Variants in CCDC181 observed in about 807,000 individuals in gnomAD.
CCDC181 encodes the protein coiled-coil domain containing 181.
In CCDC181, 35 loss-of-function variants were observed where a neutral mutation model predicts 58.7. That is an observed-to-expected ratio of 0.60 (90% CI 0.46 to 0.79). The LOEUF is 0.79. Among genes scored for constraint, CCDC181 ranks in the 30% least tolerant of loss-of-function variants. The pLI is 0.00. For missense variants in CCDC181, 517 were observed against 583.9 expected, an observed-to-expected ratio of 0.89 and a Z score of 1.18; for synonymous variants, 183 against 197.5, an observed-to-expected ratio of 0.93 and a Z score of 0.62.
At chr1:169,422,363 T>C (rs1359021535) in intron 2 of CCDC181, 50 bp from the exon 3 acceptor site, 2 of 1,324,538 alleles carry the variant, frequency 1.5e-6, no homozygotes, top group South Asian at 3.4e-5. Flanking sequence ...CATTTATAAG[T>C]AGACATACAA....
At chr1:169,447,544 G>T (rs561410155) in intron 2 of CCDC181, among the ~76,000 whole-genome samples, 11 of 152,242 alleles carry the variant, frequency 7.2e-5, no homozygotes, top group Middle Eastern at 3.4e-3. Flanking sequence ...AGTTCATCTA[G>T]ATCAAATTGA....
intron 4 of CCDC181, among the ~76,000 whole-genome samples, chr1:169,409,796 A>G (rs925435358): frequency 1.7e-4 from 26 of 152,172 alleles, no homozygotes; most frequent in Non-Finnish European, 3.1e-4. Flanking sequence ...AAGCTTCATA[A>G]GTGAAGGAGA....
At chr1:169,429,307 G>A (rs1264933389), upstream of CCDC181, among the ~76,000 whole-genome samples, 5 of 152,034 alleles carry the variant, frequency 3.3e-5, no homozygotes, top group Non-Finnish European at 7.4e-5. Flanking sequence ...TTTTCCTCTG[G>A]GTAGATACAC....
intron 3 of CCDC181, among the ~76,000 whole-genome samples, chr1:169,420,836 A>G (rs1324090290): frequency 6.6e-6 from 1 of 152,202 alleles, no homozygotes; most frequent in African/African-American, 2.4e-5. Context: ...TTGGGATTCT[A>G]TATGGCATTT....
At chr1:169,437,004 C>T (rs59697876) in intron 2 of CCDC181, among the ~76,000 whole-genome samples, 3,322 of 150,712 alleles carry the variant, frequency 0.022, 128 homozygotes, top group African/African-American at 0.077. Context: ...TTTTTTTTGG[C>T]GGGAGGGAGA....
chr1:169,406,878 C>G (rs907983128), intron 4 of CCDC181, among the ~76,000 whole-genome samples: 3 of 151,346 alleles, frequency 2.0e-5, no homozygotes, highest in African/African-American at 7.3e-5. Flanking sequence ...ATGGGCTTAA[C>G]AGTGGAATGA....
intron 2 of CCDC181, among the ~76,000 whole-genome samples, chr1:169,437,925 C>A (rs1202742135): frequency 6.6e-6 from 1 of 152,170 alleles, no homozygotes; most frequent in Non-Finnish European, 1.5e-5. Flanking sequence ...AAATTCCTGT[C>A]CTCTGGAGAC....
chr1:169,403,132 C>G (rs1055619997), intron 4 of CCDC181, among the ~76,000 whole-genome samples: 1 of 152,114 alleles, frequency 6.6e-6, no homozygotes, highest in Admixed American at 6.5e-5. Flanking sequence ...TATATATGCA[C>G]CCAATACAGG....
chr1:169,405,389 C>T (rs1206770986), intron 4 of CCDC181, among the ~76,000 whole-genome samples: 7 of 152,208 alleles, frequency 4.6e-5, no homozygotes, highest in Non-Finnish European at 1.0e-4. Context: ...AGGCATCACG[C>T]TACCTGACTG....
intron 4 of CCDC181, among the ~76,000 whole-genome samples, chr1:169,416,780 T>C (rs1234437883): frequency 6.6e-6 from 1 of 152,152 alleles, no homozygotes; most frequent in East Asian, 1.9e-4. Flanking sequence ...TTTCCTCTTT[T>C]AGTTTATGTT....
At chr1:169,400,346 C>G (rs1655265137) in intron 4 of CCDC181, among the ~76,000 whole-genome samples, 1 of 152,044 alleles carries the variant, frequency 6.6e-6, no homozygotes, top group South Asian at 2.1e-4. Context: ...AATCTAACTG[C>G]CTACAAGAAA....
intron 4 of CCDC181, among the ~76,000 whole-genome samples, chr1:169,415,479 T>G (rs1656173608): frequency 6.6e-6 from 1 of 152,148 alleles, no homozygotes; most frequent in African/African-American, 2.4e-5. Context: ...GGCCCTAAAT[T>G]TCCTATCTTA....
intron 2 of CCDC181, among the ~76,000 whole-genome samples, chr1:169,446,652 A>G (rs1657386003): frequency 6.6e-6 from 1 of 152,194 alleles, no homozygotes; most frequent in Admixed American, 6.5e-5. Flanking sequence ...ATTAAATACC[A>G]ATGCTCTATA....
chr1:169,428,172 T>G (rs952234991), upstream of CCDC181, among the ~76,000 whole-genome samples: 3 of 152,218 alleles, frequency 2.0e-5, no homozygotes, highest in Non-Finnish European at 4.4e-5. Context: ...AAAATTAAAT[T>G]TTTAGATATT....
intron 4 of CCDC181, among the ~76,000 whole-genome samples, chr1:169,412,067 T>C (rs1655992661): frequency 6.6e-6 from 1 of 152,112 alleles, no homozygotes; most frequent in African/African-American, 2.4e-5. Context: ...GGTATTCAAG[T>C]AGGAAGAGAG....
Position 169,395,068 on chromosome 1 carries a change from A to AAC in CCDC181, c.1508_1509insGT (p.Thr505LeufsTer11), listed in dbSNP as rs1654934942. 6.3e-7 allele frequency: 1 copy of AAC among 1,598,706 alleles called. No homozygotes were observed. The highest frequency in any genetic ancestry group is 8.5e-7 in the Non-Finnish European group (1 of 1,174,948). On this transcript the variant is annotated frameshift_variant, in exon 6 of 6. Coordinates refer to ENST00000367806, the MANE Select transcript of CCDC181 (RefSeq NM_001300969.2). LOFTEE classifies it high-confidence loss of function. The stretch of plus-strand genomic sequence containing the variant: ...ACTTTCAGTTATAATGATCAGTAAA[A>AAC]CGAAAAGGTTTGGCTTCTGACATAT...
chr1:169,408,700 A>G lies in CCDC181; in HGVS notation c.1215+10313T>C, dbSNP rs573164495. Among the ~76,000 whole-genome samples the G allele has an allele frequency of 4.6e-5, 7 of 152,240 alleles. No homozygotes were observed. In the South Asian group the frequency reaches 8.3e-4, roughly 18 times the overall value. On this transcript the variant is annotated intron_variant, in intron 4 of 5. Coordinates refer to ENST00000367806, the MANE Select transcript of CCDC181 (RefSeq NM_001300969.2). Reference sequence around the variant, plus strand: ...CTTCCAGAGGAAGGAACAGGAAGCAATCTTTGCTGTTCTGCAGCTTCTGCT... The same window carrying G: ...CTTCCAGAGGAAGGAACAGGAAGCAGTCTTTGCTGTTCTGCAGCTTCTGCT...
intron 2 of CCDC181, among the ~76,000 whole-genome samples, chr1:169,440,233 A>G (rs1455084572): frequency 6.6e-6 from 1 of 152,204 alleles, no homozygotes; most frequent in Non-Finnish European, 1.5e-5. Context: ...AGTCCAAGAG[A>G]ACTAGGCCCA....
upstream of CCDC181, among the ~76,000 whole-genome samples, chr1:169,430,909 A>G (rs929775450): frequency 6.6e-6 from 1 of 152,180 alleles, no homozygotes; most frequent in African/African-American, 2.4e-5. Context: ...GGTTGTGGAA[A>G]GCAACCAATC....
Sources: gnomAD v4.1 joint callset for allele counts (sites outside exome capture counted in the v4.1 genomes callset) on GRCh38, gnomAD v4.1.1 for gene constraint, MANE v1.5 for transcripts, NCBI Gene and HGNC (gene_info 2026-07-23, HGNC 2026-07-21) for gene names.